SYT17: variants seen among roughly 807,000 people sequenced by gnomAD.
SYT17 encodes the protein synaptotagmin-17.
A neutral mutation model predicts 46.7 loss-of-function variants in SYT17; 22 were observed. The ratio of observed to expected loss-of-function variants is 0.47; its 90% CI spans 0.34 to 0.67. The LOEUF is 0.67. Among genes scored for constraint, SYT17 ranks in the 30% least tolerant of loss-of-function variants. The pLI, the probability that SYT17 is intolerant of heterozygous loss-of-function variation, is 0.01. For synonymous variants in SYT17, 251 were observed against 248.4 expected, an observed-to-expected ratio of 1.01 and a Z score of -0.10; for missense variants, 519 against 612.8, an observed-to-expected ratio of 0.85 and a Z score of 1.62.
At chr16:19,202,043 G>T (rs4258598) in intron 5 of SYT17, among the ~76,000 whole-genome samples, 7,142 of 152,150 alleles carry the variant, frequency 0.047, 346 homozygotes, top group African/African-American at 0.12. Flanking sequence ...AGTTTGTGGG[G>T]TTTTTTTCCT....
chr16:19,224,877 G>T, intron 7 of SYT17, 39 bp downstream of exon 7: 1 of 1,610,362 alleles, frequency 6.2e-7, no homozygotes, highest in Non-Finnish European at 8.5e-7. Flanking sequence ...TCCAGGTGAG[G>T]CACGTCAAAC....
intron 7 of SYT17, among the ~76,000 whole-genome samples, chr16:19,246,723 G>A (rs891045700): frequency 1.3e-5 from 2 of 152,126 alleles, no homozygotes; most frequent in Non-Finnish European, 2.9e-5. Flanking sequence ...ACTGCCACTT[G>A]CTCTTCTCAC....
At chr16:19,174,667 G>T (rs1016374367) in intron 3 of SYT17, among the ~76,000 whole-genome samples, 1 of 152,202 alleles carries the variant, frequency 6.6e-6, no homozygotes, top group African/African-American at 2.4e-5. Flanking sequence ...GTGACCTTGG[G>T]CAAGTGGTTT....
intron 7 of SYT17, among the ~76,000 whole-genome samples, chr16:19,260,336 CAAAA>C (rs34504914): frequency 3.9e-3 from 89 of 22,888 alleles, no homozygotes; most frequent in African/African-American, 0.013. Flanking sequence ...CAGAAAATAC[CAAAA>C]AAAAAAAAAA....
At chr16:19,208,744 C>T (rs1313912609) in intron 5 of SYT17, among the ~76,000 whole-genome samples, 1 of 152,092 alleles carries the variant, frequency 6.6e-6, no homozygotes, top group Admixed American at 6.5e-5. Context: ...GCTTATAGAT[C>T]TCTGCCTTCA....
intron 7 of SYT17, among the ~76,000 whole-genome samples, chr16:19,246,874 C>G (rs151334929): frequency 6.7e-4 from 102 of 152,286 alleles, no homozygotes; most frequent in African/African-American, 2.2e-3. Context: ...CAGGCTAATG[C>G]TTTAATGTGG....
At chr16:19,250,032 C>A in intron 7 of SYT17, 1 of 1,535,720 alleles carries the variant, frequency 6.5e-7, no homozygotes, top group Non-Finnish European at 8.7e-7. Flanking sequence ...ATGAACATTT[C>A]CATGGCATAA....
At chr16:19,179,562 C>T (rs889280809) in intron 3 of SYT17, among the ~76,000 whole-genome samples, 5 of 152,270 alleles carry the variant, frequency 3.3e-5, no homozygotes, top group East Asian at 1.9e-4. Flanking sequence ...CCACCATGCT[C>T]GGCCTCTACG....
intron 5 of SYT17, among the ~76,000 whole-genome samples, chr16:19,189,542 G>T (rs952740237): frequency 6.6e-6 from 1 of 152,104 alleles, no homozygotes; most frequent in African/African-American, 2.4e-5. Flanking sequence ...TAGAGATGGA[G>T]TCTCATTATT....
At chr16:19,242,125 G>A (rs1967177480) in intron 7 of SYT17, among the ~76,000 whole-genome samples, 1 of 152,306 alleles carries the variant, frequency 6.6e-6, no homozygotes, top group South Asian at 2.1e-4. Flanking sequence ...TTTAGCCCCT[G>A]CTTTGTTGAG....
At chr16:19,228,949 T>A (rs1966588985) in intron 7 of SYT17, among the ~76,000 whole-genome samples, 2 of 152,210 alleles carry the variant, frequency 1.3e-5, no homozygotes, top group African/African-American at 4.8e-5. Context: ...AGCTGGACTT[T>A]CTGAACACTT....
chr16:19,211,847 C>T (rs900710799), intron 5 of SYT17, among the ~76,000 whole-genome samples: 7 of 151,910 alleles, frequency 4.6e-5, no homozygotes, highest in African/African-American at 9.7e-5. Context: ...AGGATGGTCT[C>T]GATCTCCTGA....
At position 19,267,210 on chromosome 16, in the gene SYT17, C is replaced by A; in HGVS notation, c.*134C>A. 1.3e-6 allele frequency: 1 copy of A among 769,176 alleles called. No individual in the cohort carries two copies. Among genetic ancestry groups the A allele is most frequent in the Non-Finnish European group, 2.0e-6 (1 of 502,788 alleles). The allele number at this position is 769,176 out of a possible 1,614,324, so 47.6% of individuals were successfully genotyped here. Reference sequence around the variant, plus strand: ...CTACACACGTCCACACACACAGACACACAGATACCCCAAATCCTCTCAGAA... The same window carrying A: ...CTACACACGTCCACACACACAGACAAACAGATACCCCAAATCCTCTCAGAA... On this transcript the variant is annotated 3_prime_UTR_variant, in exon 8 of 8. Coordinates refer to ENST00000355377, the MANE Select transcript of SYT17 (RefSeq NM_016524.4).
Position 19,168,869 on chromosome 16 carries a change from G to A in SYT17, c.15+208G>A, listed in dbSNP as rs965419706. Among the ~76,000 whole-genome samples the A allele has an allele frequency of 1.3e-5, 2 of 152,138 alleles. No individual in the cohort carries two copies. Among genetic ancestry groups the A allele is most frequent in the Admixed American group, 1.3e-4 (2 of 15,290 alleles). On this transcript the variant is annotated intron_variant, in intron 1 of 7. Coordinates refer to ENST00000355377, the MANE Select transcript of SYT17 (RefSeq NM_016524.4). This position sits in a 1 kb window ranked among gnomAD's most constrained non-coding sequence, Gnocchi z 6.9. ...GGGACCCCCAAACCCCGGGATGGAG[G>A]GTCCTATGTGTACTCTGCAACGCGC...
chr16:19,206,296 A>G (rs1470591097), intron 5 of SYT17, among the ~76,000 whole-genome samples: 1 of 152,194 alleles, frequency 6.6e-6, no homozygotes, highest in Non-Finnish European at 1.5e-5. Flanking sequence ...AAACATTTCA[A>G]GAAAGATCAG....
chr16:19,187,698 C>G (rs1337970174), intron 5 of SYT17, among the ~76,000 whole-genome samples: 1 of 152,128 alleles, frequency 6.6e-6, no homozygotes, highest in African/African-American at 2.4e-5. Context: ...AGTGGAAAAG[C>G]CGGTTGTCTT....
chr16:19,178,984 C>T (rs1014638485), intron 3 of SYT17, among the ~76,000 whole-genome samples: 2 of 151,746 alleles, frequency 1.3e-5, no homozygotes, highest in African/African-American at 4.8e-5. Flanking sequence ...TCACTTTGAG[C>T]CCAGGAGTTC....
At chr16:19,193,813 T>A (rs1965124809) in intron 5 of SYT17, among the ~76,000 whole-genome samples, 2 of 152,198 alleles carry the variant, frequency 1.3e-5, no homozygotes, top group South Asian at 4.1e-4. Context: ...CGAGTTCCCA[T>A]GTGGCATGGG....
chr16:19,223,247 A>G, intron 6 of SYT17, 82 bp downstream of exon 6: 1 of 1,537,322 alleles, frequency 6.5e-7, no homozygotes. Flanking sequence ...CTTTTTCCGT[A>G]TCCTGGATGA....
Sources: allele counts gnomAD v4.1 joint callset (sites outside exome capture counted in the v4.1 genomes callset), GRCh38; gene constraint gnomAD v4.1.1; non-coding constraint Gnocchi (gnomAD v3.1); transcripts MANE v1.5; gene names NCBI Gene and HGNC (gene_info 2026-07-23, HGNC 2026-07-21).